The following B3GALT1 variants were observed in gnomAD, a reference collection of about 807,000 sequenced individuals.
B3GALT1 encodes beta-1,3-galactosyltransferase 1.
A neutral mutation model predicts 23.2 loss-of-function variants in B3GALT1; 10 were observed. That is an observed-to-expected ratio of 0.43 (90% confidence interval 0.27 to 0.73). The LOEUF (loss-of-function observed/expected upper bound fraction) is 0.73. Among genes scored for constraint, B3GALT1 ranks in the 30% least tolerant of loss-of-function variants. The probability of loss-of-function intolerance (pLI) is 0.21; values close to 1 mark genes in which losing one functional copy is unlikely to be tolerated. For synonymous variants in B3GALT1, 156 were observed against 141.5 expected (o/e 1.10, Z -0.73); for missense variants, 299 against 405.4 (o/e 0.74, Z 2.25).
chr2:167,484,159 G>A (rs560604499), intron 1 of B3GALT1, among the ~76,000 whole-genome samples: 6 of 152,178 alleles, frequency 3.9e-5, no homozygotes, highest in East Asian at 3.9e-4. Flanking sequence ...GAAAATTTTC[G>A]CCTAAGGATA....
intron 3 of B3GALT1, among the ~76,000 whole-genome samples, chr2:167,693,151 G>A (rs974261000): frequency 6.6e-5 from 10 of 151,648 alleles, no homozygotes; most frequent in East Asian, 1.9e-4. Flanking sequence ...CCAAGGTCCC[G>A]GTGCAATACC....
intron 3 of B3GALT1, among the ~76,000 whole-genome samples, chr2:167,703,773 G>C (rs1290011066): frequency 6.6e-6 from 1 of 152,074 alleles, no homozygotes; most frequent in Non-Finnish European, 1.5e-5. Context: ...AGGGCTAAGG[G>C]AAACCTCAAT....
chr2:167,767,658 C>T (rs941500959), intron 3 of B3GALT1, among the ~76,000 whole-genome samples: 1 of 152,134 alleles, frequency 6.6e-6, no homozygotes, highest in African/African-American at 2.4e-5. Context: ...GTTAATGTGT[C>T]AGGTACGGAA....
At chr2:167,550,867 C>G (rs191840982) in intron 2 of B3GALT1, among the ~76,000 whole-genome samples, 2 of 152,290 alleles carry the variant, frequency 1.3e-5, no homozygotes, top group Non-Finnish European at 2.9e-5. Context: ...TAAAAACCAC[C>G]AATTTCAGTG....
chr2:167,393,623 C>T (rs920712952), intron 1 of B3GALT1, among the ~76,000 whole-genome samples: 1 of 152,054 alleles, frequency 6.6e-6, no homozygotes, highest in East Asian at 1.9e-4. Flanking sequence ...TACATTCCTC[C>T]TTTTAAAAAT....
chr2:167,714,975 A>G (rs1687120817), intron 3 of B3GALT1: 17 of 1,611,474 alleles, frequency 1.1e-5, no homozygotes, highest in Admixed American at 1.7e-5. Flanking sequence ...TCTGACTGCA[A>G]AGATGCTTGT....
intron 4 of B3GALT1, among the ~76,000 whole-genome samples, chr2:167,829,743 T>C (rs1352662438): frequency 6.6e-6 from 1 of 152,150 alleles, no homozygotes; most frequent in Admixed American, 6.5e-5. Context: ...AGATGTGAGC[T>C]GTGACTTCCT....
rs531156674 is a variant in B3GALT1, at chr2:167,538,252, C to A, written c.-410+47975C>A. On this transcript the variant is annotated intron_variant, in intron 2 of 4. Coordinates refer to ENST00000392690, the MANE Select transcript of B3GALT1 (RefSeq NM_020981.4). ...ATCTGGATACTAGAAAACAAACAAG[C>A]AAAAGATTTTAAACACTATAAACAA... Among the ~76,000 whole-genome samples the A allele has an allele frequency of 3.9e-4, 59 of 152,212 alleles. 1 individual carries two copies. The highest frequency in any genetic ancestry group is 1.2e-3 in the African/African-American group (49 of 41,514).
chr2:167,833,678 T>C (rs1689396635), intron 4 of B3GALT1, among the ~76,000 whole-genome samples: 1 of 152,220 alleles, frequency 6.6e-6, no homozygotes, highest in South Asian at 2.1e-4. Flanking sequence ...TATCTAAACA[T>C]AGTTACTATA....
intron 1 of B3GALT1, among the ~76,000 whole-genome samples, chr2:167,357,371 T>A (rs1407181074): frequency 6.6e-6 from 1 of 152,042 alleles, no homozygotes; most frequent in African/African-American, 2.4e-5. Flanking sequence ...TAATTAATTT[T>A]AAAAAATATT....
chr2:167,338,106 T>G (rs917698613), intron 1 of B3GALT1, among the ~76,000 whole-genome samples: 2 of 152,176 alleles, frequency 1.3e-5, no homozygotes, highest in Non-Finnish European at 2.9e-5. Context: ...TTTAAGGAAG[T>G]GTCCTAATTT....
At chr2:167,546,730 C>A (rs769609815) in intron 2 of B3GALT1, among the ~76,000 whole-genome samples, 1 of 152,172 alleles carries the variant, frequency 6.6e-6, no homozygotes, top group Non-Finnish European at 1.5e-5. Flanking sequence ...AAGAACACCC[C>A]CTCTGCACAT....
chr2:167,840,506 C>G (rs1228895978), intron 4 of B3GALT1, among the ~76,000 whole-genome samples: 3 of 149,554 alleles, frequency 2.0e-5, no homozygotes, highest in Admixed American at 2.0e-4. Flanking sequence ...GAATGGCAAT[C>G]ATTAAAAAGT....
intron 3 of B3GALT1, among the ~76,000 whole-genome samples, chr2:167,762,045 T>C (rs906872777): frequency 2.6e-5 from 4 of 152,224 alleles, no homozygotes; most frequent in Admixed American, 2.6e-4. Context: ...TCGGAGGGTG[T>C]AATTTCTCTT....
intron 1 of B3GALT1, among the ~76,000 whole-genome samples, chr2:167,467,716 A>T (rs1699368964): frequency 6.6e-6 from 1 of 152,222 alleles, no homozygotes; most frequent in Non-Finnish European, 1.5e-5. Context: ...CCTAGGAAAA[A>T]ATCAATCAAT....
intron 3 of B3GALT1, among the ~76,000 whole-genome samples, chr2:167,685,921 C>T (rs534822101): frequency 1.7e-4 from 26 of 152,230 alleles, no homozygotes; most frequent in African/African-American, 5.3e-4. Context: ...TTTTACTTTA[C>T]CTGCTTTACT....
intron 1 of B3GALT1, among the ~76,000 whole-genome samples, chr2:167,413,681 A>G (rs1218508040): frequency 1.3e-5 from 2 of 151,902 alleles, no homozygotes; most frequent in Non-Finnish European, 2.9e-5. Flanking sequence ...AGATTTCTTC[A>G]GGTTTATTTT....
At chr2:167,384,652 T>C (rs932332711) in intron 1 of B3GALT1, among the ~76,000 whole-genome samples, 1 of 152,124 alleles carries the variant, frequency 6.6e-6, no homozygotes, top group African/African-American at 2.4e-5. Context: ...TCTCACCTGC[T>C]CCATCCTTAC....
At chr2:167,659,039 G>A (rs1445926087) in intron 3 of B3GALT1, among the ~76,000 whole-genome samples, 2 of 151,980 alleles carry the variant, frequency 1.3e-5, no homozygotes, top group Non-Finnish European at 2.9e-5. Flanking sequence ...TCTTATTTTA[G>A]TTATCACTAC....
Sources: gnomAD v4.1 joint callset for allele counts (sites outside exome capture counted in the v4.1 genomes callset) on GRCh38, gnomAD v4.1.1 for gene constraint, MANE v1.5 for transcripts, NCBI Gene and HGNC (gene_info 2026-07-23, HGNC 2026-07-21) for gene names.